AGTRAP: variants seen among roughly 807,000 people sequenced by gnomAD.
AGTRAP encodes the protein type-1 angiotensin II receptor-associated protein.
In AGTRAP, 7 loss-of-function variants were observed where a neutral mutation model predicts 15.2. That is an observed-to-expected ratio of 0.46 (90% CI 0.26 to 0.87). The LOEUF (loss-of-function observed/expected upper bound fraction) is 0.87. Among genes scored for constraint, AGTRAP ranks in the 40% least tolerant of loss-of-function variants. The pLI, the probability that AGTRAP is intolerant of heterozygous loss-of-function variation, is 0.15. For synonymous variants in AGTRAP, 74 were observed against 89.6 expected (o/e 0.83, Z 0.98); for missense variants, 187 against 213.4 (o/e 0.88, Z 0.77).
intron 1 of AGTRAP, chr1:11,744,479 C>T (rs1291360257): frequency 4.2e-6 from 3 of 710,054 alleles, no homozygotes; most frequent in Non-Finnish European, 5.2e-6. Flanking sequence ...AGCTACCCTC[C>T]CTTTGCCCGC....
intron 1 of AGTRAP, among the ~76,000 whole-genome samples, chr1:11,739,317 C>G (rs1210085595): frequency 2.0e-5 from 3 of 152,080 alleles, no homozygotes; most frequent in African/African-American, 7.2e-5. Flanking sequence ...TTGGGAGACC[C>G]AGGCAGGTGG....
At chr1:11,749,663 G>T (rs927398295) in intron 4 of AGTRAP, among the ~76,000 whole-genome samples, 11 of 152,156 alleles carry the variant, frequency 7.2e-5, no homozygotes, top group Non-Finnish European at 1.3e-4. Context: ...AGAGGAGTGC[G>T]TGGGCCCGGG....
intron 4 of AGTRAP, 33 bp downstream of exon 4, chr1:11,748,643 G>A (rs766338621): frequency 3.7e-5 from 58 of 1,587,196 alleles, no homozygotes; most frequent in African/African-American, 5.4e-5. Flanking sequence ...GCTCCTCACC[G>A]CTCCCTTCTC....
rs371159670 is a variant in AGTRAP, at chr1:11,743,629, C to CG, written c.28-2173dup. On this transcript the variant is annotated intron_variant, in intron 1 of 4. Transcript: ENST00000314340. ...TTGTCCAGGCTGGAGTACAATGGCG[C>CG]GATCTCGGCCCACTGCAACCTCTGC... Among the ~76,000 whole-genome samples, 725 of 149,490 alleles carry CG rather than the reference C, an allele frequency of 4.8e-3. 7 individuals carry two copies. The highest frequency in any genetic ancestry group is 0.017 in the African/African-American group (696 of 40,534).
intron 1 of AGTRAP, among the ~76,000 whole-genome samples, chr1:11,743,881 T>G (rs551906080): frequency 6.6e-6 from 1 of 152,264 alleles, no homozygotes; most frequent in East Asian, 1.9e-4. Context: ...CTGCCCTTTT[T>G]CTATGTGCTT....
At chr1:11,747,305 A>G (rs1238582543) in intron 2 of AGTRAP, 135 bp from the exon 3 acceptor site, 1 of 783,080 alleles carries the variant, frequency 1.3e-6, no homozygotes, top group Non-Finnish European at 2.2e-6. Flanking sequence ...AGCCCATGGG[A>G]TTTGCTGGCA....
At chr1:11,736,892 G>A (rs1356984972) in intron 1 of AGTRAP, among the ~76,000 whole-genome samples, 1 of 152,160 alleles carries the variant, frequency 6.6e-6, no homozygotes, top group Non-Finnish European at 1.5e-5. Context: ...GGTGCCAGCG[G>A]CTGTTCTTTT....
chr1:11,736,635 C>T (rs545226783), intron 1 of AGTRAP, among the ~76,000 whole-genome samples: 1 of 152,222 alleles, frequency 6.6e-6, no homozygotes, highest in Admixed American at 6.5e-5. Flanking sequence ...TGGGCTTGCC[C>T]CCCGGGTCCC....
intron 4 of AGTRAP, among the ~76,000 whole-genome samples, chr1:11,749,060 G>C (rs1035869741): frequency 1.3e-5 from 2 of 152,224 alleles, no homozygotes; most frequent in African/African-American, 4.8e-5. Context: ...GGCCAGGGCA[G>C]AGCCCGTGCC....
rs1051122702 is a variant in AGTRAP, at chr1:11,738,565, G to A, written c.27+2330G>A. Among the ~76,000 whole-genome samples, 3 of 152,122 alleles carry A rather than the reference G, an allele frequency of 2.0e-5. No individual in the cohort carries two copies. In the South Asian group the frequency reaches 6.2e-4, roughly 31 times the overall value. ...GCTGAATTCCTCACAGGCACTGTGTGGAGCGCTTCCCACACCTCTCCACCT... is the reference window on the plus strand; with the variant it reads ...GCTGAATTCCTCACAGGCACTGTGTAGAGCGCTTCCCACACCTCTCCACCT... On this transcript the variant is annotated intron_variant, in intron 1 of 4. Coordinates refer to ENST00000314340, the MANE Select transcript of AGTRAP (RefSeq NM_020350.5).
At chr1:11,742,375 C>G (rs1642051927) in intron 1 of AGTRAP, among the ~76,000 whole-genome samples, 1 of 152,176 alleles carries the variant, frequency 6.6e-6, no homozygotes, top group East Asian at 1.9e-4. Context: ...GCTTTTTCCT[C>G]TGCTGCCAGA....
chr1:11,737,453 G>A (rs1218517965), intron 1 of AGTRAP, among the ~76,000 whole-genome samples: 1 of 152,210 alleles, frequency 6.6e-6, no homozygotes, highest in East Asian at 1.9e-4. Context: ...TCAGGTGAGG[G>A]CAGTGGGAGG....
At chr1:11,741,585 G>T (rs4073489) in intron 1 of AGTRAP, among the ~76,000 whole-genome samples, 1 of 151,952 alleles carries the variant, frequency 6.6e-6, no homozygotes, top group Non-Finnish European at 1.5e-5. Flanking sequence ...CCCCATCTTT[G>T]TAATGGGGAG....
rs1295068400 is a variant in AGTRAP at position 11,748,451 on chromosome 1, A to G, written c.205A>G (p.Ile69Val). 3.7e-6 allele frequency: 6 copies of G among 1,613,702 alleles called. No individual in the cohort carries two copies. Among genetic ancestry groups the G allele is most frequent in the Non-Finnish European group, 4.2e-6 (5 of 1,179,982 alleles). Residue 69 changes from isoleucine (I) to valine (V), a missense_variant, in exon 4 of 5, where the codon ATC becomes GTC. Coordinates refer to ENST00000314340, the MANE Select transcript of AGTRAP (RefSeq NM_020350.5). ...CTTGCTGGCCACCATCTTCCTGGAC[A>G]TCGTGCACATCAGCATCTTCTACCC... ...GGLLATIFLD[I>V]VHISIFYPRV...
intron 4 of AGTRAP, among the ~76,000 whole-genome samples, chr1:11,749,268 T>C (rs191057262): frequency 1.9e-3 from 293 of 152,232 alleles, no homozygotes; most frequent in African/African-American, 6.7e-3. Flanking sequence ...CTCTCTCTCT[T>C]TGAGAGGAGT....
intron 1 of AGTRAP, among the ~76,000 whole-genome samples, chr1:11,739,433 C>T (rs1641973516): frequency 1.3e-5 from 2 of 152,084 alleles, no homozygotes; most frequent in South Asian, 4.1e-4. Context: ...CGCCTGTAGT[C>T]CCAGCTATTC....
chr1:11,747,197 C>T (rs1373624297), intron 2 of AGTRAP, among the ~76,000 whole-genome samples: 3 of 152,136 alleles, frequency 2.0e-5, no homozygotes, highest in African/African-American at 7.2e-5. Context: ...GCAGTCAGGA[C>T]GCTGGCACAG....
In AGTRAP at chr1:11,746,648, G is replaced by A. The variant is rs17875940; in HGVS notation, c.63-792G>A. ...ACTGCTCAGCAACTGTGTGACCTTG[G>A]GCGAGTTACTTAACCTCATTGTGTC... On this transcript the variant is annotated intron_variant, in intron 2 of 4. Coordinates refer to ENST00000314340, the MANE Select transcript of AGTRAP (RefSeq NM_020350.5). The A allele has an allele frequency of 6.8e-3, 1,157 of 169,904 alleles. 22 individuals are homozygous for A. Among genetic ancestry groups the A allele is most frequent in the African/African-American group, 0.025 (1,042 of 41,986 alleles). 10.5% of individuals were successfully genotyped at this position (169,904 alleles called of 1,614,324 possible).
Position 11,741,348 on chromosome 1 carries a change from G to A in AGTRAP, c.28-4455G>A, listed in dbSNP as rs75281260. ...TCAGGTGCTTTCCTTCGGGATGAGG[G>A]TTCACTGCACCTCCATTCCTAGGGC... On this transcript the variant is annotated intron_variant, in intron 1 of 4. Coordinates refer to ENST00000314340, the MANE Select transcript of AGTRAP (RefSeq NM_020350.5). Among the ~76,000 whole-genome samples, 1,494 of 152,266 alleles carry A rather than the reference G, an allele frequency of 9.8e-3. 11 individuals are homozygous for A. The highest frequency in any genetic ancestry group is 0.014 in the Non-Finnish European group (980 of 68,028).
Sources: allele counts gnomAD v4.1 joint callset (sites outside exome capture counted in the v4.1 genomes callset), GRCh38; gene constraint gnomAD v4.1.1; transcripts MANE v1.5; gene names NCBI Gene and HGNC (gene_info 2026-07-23, HGNC 2026-07-21).